The following CFLAR variants were observed in gnomAD, a reference collection of about 807,000 sequenced individuals.
CFLAR encodes CASP8 and FADD like apoptosis regulator, also known as CASP8 and FADD-like apoptosis regulator.
CFLAR carries 14 observed loss-of-function variants against 51.1 expected under a neutral mutation model. That is an observed-to-expected ratio of 0.27 (90% confidence interval 0.18 to 0.43). The LOEUF (loss-of-function observed/expected upper bound fraction) is 0.43. CFLAR is among the 20% of genes least tolerant of loss of function. The pLI, the probability that CFLAR is intolerant of heterozygous loss-of-function variation, is 1.00. For missense variants in CFLAR, 390 were observed against 566.5 expected, an observed-to-expected ratio of 0.69 and a Z score of 3.16; for synonymous variants, 210 against 211.6, an observed-to-expected ratio of 0.99 and a Z score of 0.06.
chr2:201,171,215 G>A lies in CFLAR; in HGVS notation c.*7242G>A, dbSNP rs1407733756. The A allele has an allele frequency of 2.0e-5, 3 of 152,142 alleles. No homozygotes were observed. Among genetic ancestry groups the A allele is most frequent in the Non-Finnish European group, 4.4e-5 (3 of 68,026 alleles). 9.4% of individuals were successfully genotyped at this position (152,142 alleles called of 1,614,324 possible). Reference sequence around the variant, plus strand: ...TGGGTTCAGTGTATACTGCTCAGGTGATGGGTGCACCAGAATCTCACAAGT... The same window carrying A: ...TGGGTTCAGTGTATACTGCTCAGGTAATGGGTGCACCAGAATCTCACAAGT... On this transcript the variant is annotated 3_prime_UTR_variant, in exon 10 of 10. Transcript: ENST00000309955.
chr2:201,153,482 GTTA>G (rs1397667144), intron 8 of CFLAR: 1 of 152,194 alleles, frequency 6.6e-6, no homozygotes, highest in Non-Finnish European at 1.5e-5. Context: ...GAAAATGGTT[GTTA>G]TTATTAGTGC....
chr2:201,136,260 C>G, intron 4 of CFLAR, 153 bp downstream of exon 4: 2 of 1,601,832 alleles, frequency 1.2e-6, no homozygotes, highest in Non-Finnish European at 8.5e-7. Context: ...AATCGCGTCC[C>G]TTTATATTCT....
chr2:201,149,322 G>T, intron 7 of CFLAR: 1 of 352,812 alleles, frequency 2.8e-6, no homozygotes, highest in Non-Finnish European at 5.2e-6. Context: ...AGTCAGCAGT[G>T]ATACTTCCCT....
intron 4 of CFLAR, chr2:201,139,948 A>G: frequency 5.0e-6 from 1 of 199,222 alleles, no homozygotes; most frequent in South Asian, 5.8e-5. Context: ...ACAGGTGTGG[A>G]GGGGCAACCC....
chr2:201,139,686 T>C (rs1210106818), intron 4 of CFLAR: 1 of 152,822 alleles, frequency 6.5e-6, no homozygotes, highest in Non-Finnish European at 1.5e-5. Context: ...CTTTACCTTG[T>C]TCTTGATGCA....
Position 201,158,374 on chromosome 2 carries a change from A to G in CFLAR, c.794-2058A>G, listed in dbSNP as rs556651603. 2.4e-3 allele frequency among the ~76,000 whole-genome samples: 362 copies of G among 152,338 alleles called. 1 individual carries two copies. Among genetic ancestry groups the G allele is most frequent in the African/African-American group, 7.7e-3 (321 of 41,582 alleles). ...CCAAGCCTTACATATCAGCATGGGC[A>G]GGGAGAATGTGGTGAAGTTTTCTTT... On this transcript the variant is annotated intron_variant, in intron 8 of 9. Transcript: ENST00000309955.
chr2:201,171,815 G>C lies in CFLAR; in HGVS notation c.*7842G>C, dbSNP rs1159823400. 6.6e-6 allele frequency: 1 copy of C among 152,080 alleles called. No individual in the cohort carries two copies. Among genetic ancestry groups the C allele is most frequent in the Non-Finnish European group, 1.5e-5 (1 of 68,048 alleles). 9.4% of individuals were successfully genotyped at this position (152,080 alleles called of 1,614,324 possible). A position where few individuals can be genotyped will look rare whatever the true frequency, so the allele number is the denominator to read the frequency against. On this transcript the variant is annotated 3_prime_UTR_variant, in exon 10 of 10. Transcript: ENST00000309955. ...CAAGATCCCACTCCAAACACTGTTA[G>C]CTCAGCCAAATTGAACAGCTCATAT...
rs1176055776 is a variant in CFLAR, at chr2:201,176,328, A to G, written c.*12355A>G. 2 of 145,188 alleles carry G rather than the reference A, an allele frequency of 1.4e-5. No individual in the cohort carries two copies. The highest frequency in any genetic ancestry group is 1.4e-4 in the Admixed American group (2 of 14,476). 9.0% of individuals were successfully genotyped at this position (145,188 alleles called of 1,614,324 possible). On this transcript the variant is annotated 3_prime_UTR_variant, in exon 10 of 10. Coordinates refer to ENST00000309955, the MANE Select transcript of CFLAR (RefSeq NM_003879.7). ...CTGCCTGTCCCTGGCACCACCTGTG[A>G]CCAATTATTACTTTACAGAAACATT... is the stretch of plus-strand genomic sequence containing the variant.
chr2:201,158,984 TCTC>T (rs1942655543), intron 8 of CFLAR, among the ~76,000 whole-genome samples: 1 of 151,208 alleles, frequency 6.6e-6, no homozygotes, highest in Non-Finnish European at 1.5e-5. Flanking sequence ...TTCAAGCAAT[TCTC>T]CTGTCTCAGC....
intron 8 of CFLAR, among the ~76,000 whole-genome samples, chr2:201,158,822 C>T (rs973531379): frequency 6.6e-6 from 1 of 151,238 alleles, no homozygotes; most frequent in Non-Finnish European, 1.5e-5. Flanking sequence ...AACAGCTACC[C>T]AGAGATCCTG....
chr2:201,117,044 C>G (rs2047673641), intron 1 of CFLAR: 1 of 152,110 alleles, frequency 6.6e-6, no homozygotes, highest in Non-Finnish European at 1.5e-5. Flanking sequence ...TTTTTCCTTT[C>G]GAAAGTTGTT....
chr2:201,166,985 C>T lies in CFLAR; in HGVS notation c.*3012C>T, dbSNP rs1056219165. ...GGAGAAGAGAGGGAGGGGGAGAGGG[C>T]TATTTTTAAAATTTTTTAAAATTGC... On this transcript the variant is annotated 3_prime_UTR_variant, in exon 10 of 10. Transcript: ENST00000309955. 1 of 127,166 alleles carries T rather than the reference C, an allele frequency of 7.9e-6. No homozygotes were observed. The highest frequency in any genetic ancestry group is 1.8e-5 in the Non-Finnish European group (1 of 56,824). The allele number at this position is 127,166 out of a possible 1,614,324, so 7.9% of individuals were successfully genotyped here.
At chr2:201,152,820 A>G (rs1941501708) in intron 8 of CFLAR, 1 of 152,468 alleles carries the variant, frequency 6.6e-6, no homozygotes, top group African/African-American at 2.4e-5. Context: ...GAGGGCAGAG[A>G]CCTGATAAAA....
At position 201,124,544 on chromosome 2, in the gene CFLAR, A is replaced by T. The variant is rs535916256; in HGVS notation, c.-137-5185A>T. On this transcript the variant is annotated intron_variant, in intron 1 of 9. Transcript: ENST00000309955. This position sits in a 1 kb window ranked among gnomAD's most constrained non-coding sequence, Gnocchi z 4.7. ...GAGACAGGGTTTTGCCATGTTGGCCAGGCTGGTCTTGAACTCCTTGCCTCA... is the reference window on the plus strand; with the variant it reads ...GAGACAGGGTTTTGCCATGTTGGCCTGGCTGGTCTTGAACTCCTTGCCTCA... Among the ~76,000 whole-genome samples the T allele has an allele frequency of 5.9e-5, 9 of 152,302 alleles. No individual in the cohort carries two copies. The highest frequency in any genetic ancestry group is 6.5e-5 in the Admixed American group (1 of 15,306).
chr2:201,176,068 T>C lies in CFLAR; in HGVS notation c.*12095T>C, dbSNP rs1294826801. 6.6e-6 allele frequency: 1 copy of C among 152,274 alleles called. No individual in the cohort carries two copies. The highest frequency in any genetic ancestry group is 6.5e-5 in the Admixed American group (1 of 15,268). The allele number at this position is 152,274 out of a possible 1,614,324, so 9.4% of individuals were successfully genotyped here. A position where few individuals can be genotyped will look rare whatever the true frequency, so the allele number is the denominator to read the frequency against. On this transcript the variant is annotated 3_prime_UTR_variant, in exon 10 of 10. Coordinates refer to ENST00000309955, the MANE Select transcript of CFLAR (RefSeq NM_003879.7). ...GTTGCAGTGAGCCAAGAAAGTTTAT[T>C]AAGCTTTAGAACAGTAAGGAAAGGA...
In CFLAR at chr2:201,140,774, T is replaced by TATAC. The variant is rs1280645947; in HGVS notation, c.606+353_606+356dup. On this transcript the variant is annotated intron_variant, in intron 5 of 9. Coordinates refer to ENST00000309955, the MANE Select transcript of CFLAR (RefSeq NM_003879.7). ...CTGTATGTATGTATATATATATATATATACATACATACATACATACAGTTG... is the reference window on the plus strand; with the variant it reads ...CTGTATGTATGTATATATATATATATATACATACATACATACATACATACAGTTG... The TATAC allele has an allele frequency of 6.5e-3, 1,057 of 162,024 alleles. 15 individuals carry two copies. Among genetic ancestry groups the TATAC allele is most frequent in the African/African-American group, 0.024 (987 of 41,452 alleles). The allele number at this position is 162,024 out of a possible 1,614,324, so 10.0% of individuals were successfully genotyped here.
intron 3 of CFLAR, among the ~76,000 whole-genome samples, chr2:201,135,293 T>C (rs535105411): frequency 6.6e-6 from 1 of 152,308 alleles, no homozygotes; most frequent in African/African-American, 2.4e-5. Flanking sequence ...TTTCTTCTCC[T>C]TTTTCAGAGA....
At chr2:201,129,015 A>G (rs2048973951) in intron 1 of CFLAR, among the ~76,000 whole-genome samples, 1 of 152,214 alleles carries the variant, frequency 6.6e-6, no homozygotes, top group African/African-American at 2.4e-5. Flanking sequence ...GCTGCCATGT[A>G]GCAGTGCATT....
rs935000125 is a variant in CFLAR at position 201,166,215 on chromosome 2, AC to A, written c.*2248del. 4 of 145,222 alleles carry A rather than the reference AC, an allele frequency of 2.8e-5. No individual in the cohort carries two copies. The highest frequency in any genetic ancestry group is 4.5e-5 in the Non-Finnish European group (3 of 67,292). The allele number at this position is 145,222 out of a possible 1,614,324, so 9.0% of individuals were successfully genotyped here. On this transcript the variant is annotated 3_prime_UTR_variant, in exon 10 of 10. Transcript: ENST00000309955. ...GGGATAGCTGGCCGGGCGGGGGCTGACCCCCCACCTCCCTCCCCGACGGGGC... is the reference window on the plus strand; with the variant it reads ...GGGATAGCTGGCCGGGCGGGGGCTGACCCCCACCTCCCTCCCCGACGGGGC...
Sources: gnomAD v4.1 joint callset for allele counts (sites outside exome capture counted in the v4.1 genomes callset) on GRCh38, gnomAD v4.1.1 for gene constraint, Gnocchi (gnomAD v3.1) non-coding constraint, MANE v1.5 for transcripts, NCBI Gene and HGNC (gene_info 2026-07-23, HGNC 2026-07-21) for gene names.